PROM1: variants seen among roughly 807,000 people sequenced by gnomAD.
The protein encoded by PROM1 is prominin-1.
In PROM1, 105 loss-of-function variants were observed where a neutral mutation model predicts 116.9. The ratio of observed to expected loss-of-function variants is 0.90; its 90% CI spans 0.77 to 1.06. The LOEUF is 1.06. Among genes scored for constraint, PROM1 ranks in the 50% least tolerant of loss-of-function variants. The pLI, the probability that PROM1 is intolerant of heterozygous loss-of-function variation, is 0.00. For synonymous variants in PROM1, 393 were observed against 387.0 expected, an observed-to-expected ratio of 1.02 and a Z score of -0.18; for missense variants, 1,122 against 1,045.2, an observed-to-expected ratio of 1.07 and a Z score of -1.01.
chr4:16,030,800 C>G (rs1216610941), intron 5 of PROM1, among the ~76,000 whole-genome samples: 2 of 152,136 alleles, frequency 1.3e-5, no homozygotes, highest in African/African-American at 4.8e-5. Flanking sequence ...AATCCTAGCA[C>G]TTTGGGAGGT....
intron 2 of PROM1, among the ~76,000 whole-genome samples, chr4:16,075,319 G>C (rs764721467): frequency 3.3e-5 from 5 of 152,168 alleles, no homozygotes; most frequent in Non-Finnish European, 7.4e-5. Context: ...CTAGTTATTC[G>C]TTTCTCCTTT....
chr4:15,991,940 A>G (rs1230164617), intron 17 of PROM1, among the ~76,000 whole-genome samples: 2 of 145,288 alleles, frequency 1.4e-5, no homozygotes, highest in African/African-American at 5.3e-5. Flanking sequence ...GTCTCAAAAA[A>G]AAAAAAAAAA....
chr4:16,003,454 C>T (rs1333961886), intron 13 of PROM1: 1 of 455,768 alleles, frequency 2.2e-6, no homozygotes, highest in Non-Finnish European at 4.4e-6. Context: ...CAGAAACTGC[C>T]ACCAGCCATA....
intron 19 of PROM1, among the ~76,000 whole-genome samples, chr4:15,988,130 C>T (rs1719965730): frequency 6.6e-6 from 1 of 152,162 alleles, no homozygotes; most frequent in African/African-American, 2.4e-5. Flanking sequence ...CCCGCCTCGG[C>T]CTCCCAAAGT....
At chr4:16,071,909 C>A (rs529213207) in intron 2 of PROM1, among the ~76,000 whole-genome samples, 1 of 152,166 alleles carries the variant, frequency 6.6e-6, no homozygotes, top group Non-Finnish European at 1.5e-5. Context: ...CCTCTGATCA[C>A]CCTGCCACCA....
chr4:16,018,528 G>T lies in PROM1; in HGVS notation c.797C>A (p.Thr266Asn). The T allele has an allele frequency of 6.2e-7, 1 of 1,608,560 alleles. No homozygotes were observed. The highest frequency in any genetic ancestry group is 8.5e-7 in the Non-Finnish European group (1 of 1,178,122). ...IKSMATAIKETKEALENMNST... is the reference protein window; with the variant it reads ...IKSMATAIKENKEALENMNST... Reference sequence around the variant, plus strand: ...GTTCATGTTCTCCAACGCCTCTTTGGTCTCCTTGATCGCTATGGAAACACA... The same window carrying T: ...GTTCATGTTCTCCAACGCCTCTTTGTTCTCCTTGATCGCTATGGAAACACA... The change falls in exon 9 of 28, where the codon ACC becomes AAC. Residue 266 changes from threonine (T) to asparagine (N), a missense_variant. Thr to Asn is a moderately conservative substitution (Grantham distance 65). Transcript: ENST00000447510.
At position 16,068,672 on chromosome 4, in the gene PROM1, T is replaced by C. The variant is rs183539172; in HGVS notation, c.220+7015A>G. On this transcript the variant is annotated intron_variant, in intron 2 of 27. Transcript: ENST00000447510. ...TCGCTCAATTCTAGAATTGCAAATATAGCCAATTGAGATCTTTCAACTAAA... is the reference window on the plus strand; with the variant it reads ...TCGCTCAATTCTAGAATTGCAAATACAGCCAATTGAGATCTTTCAACTAAA... 2.1e-4 allele frequency among the ~76,000 whole-genome samples: 32 copies of C among 152,324 alleles called. No individual in the cohort carries two copies. In the South Asian group the frequency reaches 3.7e-3, roughly 18 times the overall value.
At chr4:16,002,179 G>A (rs568616874) in intron 13 of PROM1, among the ~76,000 whole-genome samples, 1 of 152,144 alleles carries the variant, frequency 6.6e-6, no homozygotes, top group South Asian at 2.1e-4. Flanking sequence ...AGAGTGAAAA[G>A]ACTGTTGCAG....
intron 15 of PROM1, among the ~76,000 whole-genome samples, chr4:15,994,635 G>C (rs1402776074): frequency 6.6e-6 from 1 of 152,110 alleles, no homozygotes; most frequent in Admixed American, 6.5e-5. Flanking sequence ...GGGTGAAATG[G>C]CCTCACCTCA....
intron 11 of PROM1, among the ~76,000 whole-genome samples, chr4:16,010,794 C>T (rs998771075): frequency 6.6e-6 from 1 of 152,184 alleles, no homozygotes; most frequent in Non-Finnish European, 1.5e-5. Flanking sequence ...AGCCACCACA[C>T]CCGGCCCTGG....
At chr4:16,049,314 C>A (rs1468122806) in intron 2 of PROM1, among the ~76,000 whole-genome samples, 11 of 152,148 alleles carry the variant, frequency 7.2e-5, no homozygotes, top group African/African-American at 2.4e-5. Context: ...GTGAATCAGC[C>A]AAACCCTGTT....
intron 12 of PROM1, 149 bp from the exon 13 acceptor site, chr4:16,006,839 A>C: frequency 1.3e-6 from 1 of 766,918 alleles, no homozygotes; most frequent in African/African-American, 1.8e-5. Context: ...AATAATGTTG[A>C]GTGAAAAGAT....
At chr4:16,003,866 C>T (rs958317712) in intron 13 of PROM1, among the ~76,000 whole-genome samples, 2 of 152,190 alleles carry the variant, frequency 1.3e-5, no homozygotes, top group Non-Finnish European at 2.9e-5. Context: ...TCTGACTTTC[C>T]TCCTTCCAGA....
intron 2 of PROM1, among the ~76,000 whole-genome samples, chr4:16,067,459 C>T (rs1020378811): frequency 4.1e-4 from 63 of 152,340 alleles, no homozygotes; most frequent in African/African-American, 1.5e-3. Context: ...GCAGTTAGCT[C>T]CTGGTGCTGT....
At chr4:16,046,667 T>C (rs138968952) in intron 2 of PROM1, among the ~76,000 whole-genome samples, 4 of 152,334 alleles carry the variant, frequency 2.6e-5, no homozygotes, top group East Asian at 3.9e-4. Flanking sequence ...ATTTAAGACA[T>C]ACAAATACAC....
chr4:15,985,741 T>A lies in PROM1; in HGVS notation c.2280+19A>T. The A allele has an allele frequency of 1.3e-6, 2 of 1,504,536 alleles. No individual in the cohort carries two copies. Among genetic ancestry groups the A allele is most frequent in the South Asian group, 1.2e-5 (1 of 85,816 alleles). The allele number at this position is 1,504,536 out of a possible 1,614,324, so 93.2% of individuals were successfully genotyped here. A position where few individuals can be genotyped will look rare whatever the true frequency, so the allele number is the denominator to read the frequency against. On this transcript the variant is annotated intron_variant, in intron 22 of 27. Coordinates refer to ENST00000447510, the MANE Select transcript of PROM1 (RefSeq NM_006017.3). ...GAAACTTGACCCCCCTTAACATTCA[T>A]AAAAGATAAACTACTTACAGAGAAC...
intron 20 of PROM1, among the ~76,000 whole-genome samples, chr4:15,986,434 CAT>C (rs1196838217): frequency 6.6e-6 from 1 of 152,038 alleles, no homozygotes; most frequent in African/African-American, 2.4e-5. Context: ...CTACAAAACC[CAT>C]AGTCTTTGCA....
chr4:16,060,886 C>A (rs898038009), intron 2 of PROM1, among the ~76,000 whole-genome samples: 1 of 152,144 alleles, frequency 6.6e-6, no homozygotes, highest in Non-Finnish European at 1.5e-5. Context: ...TGAGCCCATT[C>A]GATGATTCGG....
At chr4:16,007,396 G>A (rs546066267) in intron 12 of PROM1, among the ~76,000 whole-genome samples, 7 of 152,330 alleles carry the variant, frequency 4.6e-5, no homozygotes, top group Admixed American at 2.0e-4. Context: ...GCAGCAAGAG[G>A]CATTCAAGGG....
Sources: gnomAD v4.1 joint callset for allele counts (sites outside exome capture counted in the v4.1 genomes callset) on GRCh38, gnomAD v4.1.1 for gene constraint, MANE v1.5 for transcripts, NCBI Gene and HGNC (gene_info 2026-07-23, HGNC 2026-07-21) for gene names.